The following RBL1 variants were observed in gnomAD, a reference collection of about 807,000 sequenced individuals.
RBL1 encodes the protein retinoblastoma-like protein 1.
Under a neutral mutation model 123.0 loss-of-function variants are expected in RBL1, and 82 were observed. That is an observed-to-expected ratio of 0.67 (90% CI 0.56 to 0.80). The LOEUF is 0.80. Among genes scored for constraint, RBL1 ranks in the 30% least tolerant of loss-of-function variants. RBL1 has a pLI of 0.00. For synonymous variants in RBL1, 405 were observed against 441.3 expected (o/e 0.92, Z 1.03); for missense variants, 1,171 against 1,299.6 (o/e 0.90, Z 1.52).
intron 13 of RBL1, among the ~76,000 whole-genome samples, chr20:37,043,349 C>T (rs1049876207): frequency 6.6e-6 from 1 of 151,708 alleles, no homozygotes; most frequent in African/African-American, 2.4e-5. Context: ...AAAAATTAGC[C>T]GGGTGTGGTG....
intron 13 of RBL1, among the ~76,000 whole-genome samples, chr20:37,043,185 CAATT>C (rs1248825888): frequency 6.0e-5 from 9 of 151,042 alleles, no homozygotes; most frequent in Non-Finnish European, 1.3e-4. Flanking sequence ...CACACACACA[CAATT>C]AGCCGGGTGT....
In RBL1 at chr20:37,044,185, G is replaced by A. The variant is rs1359408283; in HGVS notation, c.1671C>T (p.Ser557=). Residue 557 remains serine (S), a synonymous_variant, in exon 13 of 22, where the codon AGC becomes AGT. Coordinates refer to ENST00000373664, the MANE Select transcript of RBL1 (RefSeq NM_002895.5). ...LSRDMVKHLN[S]IEEQILESLA... The stretch of plus-strand genomic sequence containing the variant: ...AACTCTCCAAAATCTGTTCTTCAAT[G>A]CTGTTTAGGTGTTTCACCATGTCCC... 3.1e-6 allele frequency: 5 copies of A among 1,613,828 alleles called. No homozygotes were observed. Among genetic ancestry groups the A allele is most frequent in the Non-Finnish European group, 4.2e-6 (5 of 1,179,908 alleles).
chr20:37,040,356 T>C, intron 13 of RBL1, 71 bp from the exon 14 acceptor site: 1 of 1,558,546 alleles, frequency 6.4e-7, no homozygotes, highest in Non-Finnish European at 8.7e-7. Flanking sequence ...AAAAATGTTT[T>C]CTTTTCTTTT....
chr20:37,014,726 T>C (rs762815490), intron 19 of RBL1, among the ~76,000 whole-genome samples: 2 of 151,818 alleles, frequency 1.3e-5, no homozygotes, highest in African/African-American at 4.8e-5. Flanking sequence ...ACTGTGCCAC[T>C]GTACTCCAGC....
At chr20:37,024,339 A>G (rs2064388438) in intron 16 of RBL1, among the ~76,000 whole-genome samples, 1 of 152,186 alleles carries the variant, frequency 6.6e-6, no homozygotes, top group African/African-American at 2.4e-5. Context: ...GCAGAGAGAA[A>G]GATGCTAGAA....
chr20:37,093,273 G>C (rs1184969408), intron 1 of RBL1, among the ~76,000 whole-genome samples: 1 of 151,190 alleles, frequency 6.6e-6, no homozygotes, highest in Non-Finnish European at 1.5e-5. Flanking sequence ...TTAAAAAATT[G>C]ATTTTAAAAA....
intron 13 of RBL1, among the ~76,000 whole-genome samples, chr20:37,043,375 C>T (rs189079852): frequency 6.6e-6 from 1 of 151,318 alleles, no homozygotes. Flanking sequence ...TGCCTATAAT[C>T]CCAGCTACAC....
chr20:37,046,511 G>A (rs1345729811), intron 12 of RBL1, among the ~76,000 whole-genome samples: 1 of 151,640 alleles, frequency 6.6e-6, no homozygotes, highest in African/African-American at 2.4e-5. Context: ...CCATCCTCCA[G>A]CCTCAGTTTT....
rs143429561 is a variant in RBL1 at position 37,035,407 on chromosome 20, T to C, written c.2005A>G (p.Met669Val). 113 of 1,614,042 alleles carry C rather than the reference T, an allele frequency of 7.0e-5. No homozygotes were observed. The highest frequency in any genetic ancestry group is 9.2e-5 in the Non-Finnish European group (109 of 1,180,006). The change falls in exon 15 of 22, where the codon ATG becomes GTG. Residue 669 changes from methionine to valine, a missense_variant. Coordinates refer to ENST00000373664, the MANE Select transcript of RBL1 (RefSeq NM_002895.5). Reference sequence around the variant, plus strand: ...TCTGTTATGATCTTGTCCATAAGCATTTCCTTTGGGGGGTCCTCTCCAAAG... The same window carrying C: ...TCTGTTATGATCTTGTCCATAAGCACTTCCTTTGGGGGGTCCTCTCCAAAG... ...RLFGEDPPKE[M>V]LMDKIITEGT...
At chr20:37,063,055 T>G (rs987519906) in intron 7 of RBL1, among the ~76,000 whole-genome samples, 2 of 152,220 alleles carry the variant, frequency 1.3e-5, no homozygotes, top group Non-Finnish European at 2.9e-5. Context: ...TCATTGGGTC[T>G]GTTTATGAGT....
At chr20:37,072,448 G>T (rs900961024) in intron 2 of RBL1, among the ~76,000 whole-genome samples, 35 of 152,252 alleles carry the variant, frequency 2.3e-4, no homozygotes, top group African/African-American at 8.4e-4. Context: ...GTTGCGGTGA[G>T]CTGAGATCGC....
chr20:36,998,912 G>GT lies in RBL1; in HGVS notation c.3053dup (p.Asn1018LysfsTer8). ...TCTGCTCACCTTGCCTTATCATGTTGTTGATATCTTTCAAACTCTGTGCAG... is the reference window on the plus strand; with the variant it reads ...TCTGCTCACCTTGCCTTATCATGTTGTTTGATATCTTTCAAACTCTGTGCAG... On this transcript the variant is annotated frameshift_variant, in exon 22 of 22. Coordinates refer to ENST00000373664, the MANE Select transcript of RBL1 (RefSeq NM_002895.5). LOFTEE classifies it high-confidence loss of function. The GT allele has an allele frequency of 6.2e-7, 1 of 1,612,566 alleles. No homozygotes were observed. Among genetic ancestry groups the GT allele is most frequent in the Non-Finnish European group, 8.5e-7 (1 of 1,179,414 alleles).
chr20:37,023,916 T>G (rs978750427), intron 16 of RBL1, among the ~76,000 whole-genome samples: 13 of 151,668 alleles, frequency 8.6e-5, no homozygotes, highest in Non-Finnish European at 1.5e-4. Context: ...TAGCTGGGAC[T>G]ACAGGCAAGT....
At chr20:37,011,907 G>C (rs111408064) in intron 19 of RBL1, among the ~76,000 whole-genome samples, 4 of 152,032 alleles carry the variant, frequency 2.6e-5, no homozygotes, top group Admixed American at 1.3e-4. Flanking sequence ...CTCTTTCCAC[G>C]GTCTCCCTCT....
chr20:37,061,961 T>C, intron 8 of RBL1, 123 bp downstream of exon 8: 1 of 1,141,556 alleles, frequency 8.8e-7, no homozygotes. Context: ...AAGGCTTTCA[T>C]GAGAAATATG....
At chr20:37,025,520 C>T (rs1262248868) in intron 16 of RBL1, among the ~76,000 whole-genome samples, 1 of 146,176 alleles carries the variant, frequency 6.8e-6, no homozygotes, top group East Asian at 2.0e-4. Context: ...ACCTTGTCTC[C>T]AAAAAGAAAA....
intron 19 of RBL1, among the ~76,000 whole-genome samples, chr20:37,013,585 T>TTA (rs1429835809): frequency 9.9e-6 from 1 of 101,416 alleles, no homozygotes; most frequent in African/African-American, 3.1e-5. Context: ...GAATGATCAA[T>TTA]AAAAAAAAAA....
chr20:37,025,867 C>T (rs539689071), intron 16 of RBL1, among the ~76,000 whole-genome samples: 50 of 151,856 alleles, frequency 3.3e-4, no homozygotes, highest in Non-Finnish European at 5.3e-4. Flanking sequence ...TTCAGCCTCC[C>T]GAGTAGCTAG....
rs905203160 is a variant in RBL1 at position 37,004,018 on chromosome 20, TTC to T, written c.2872-154_2872-153del. The T allele has an allele frequency of 3.4e-5, 20 of 589,008 alleles. No homozygotes were observed. The South Asian group carries it at 3.7e-4, about 11-fold the overall frequency. 36.5% of individuals were successfully genotyped at this position (589,008 alleles called of 1,614,324 possible). The stretch of plus-strand genomic sequence containing the variant: ...GAGAAAAAAAATGATCCTTTACTTC[TTC>T]TTTTTTTTTTTTAACAACAATAGAT... On this transcript the variant is annotated intron_variant, in intron 20 of 21. Transcript: ENST00000373664.
Sources: gnomAD v4.1 joint callset for allele counts (sites outside exome capture counted in the v4.1 genomes callset) on GRCh38, gnomAD v4.1.1 for gene constraint, MANE v1.5 for transcripts, NCBI Gene and HGNC (gene_info 2026-07-23, HGNC 2026-07-21) for gene names.